The following FRAS1 variants were observed in gnomAD, a reference collection of about 807,000 sequenced individuals.
FRAS1 encodes extracellular matrix organizing protein FRAS1.
In FRAS1, 290 loss-of-function variants were observed where a neutral mutation model predicts 435.2. The ratio of observed to expected loss-of-function variants is 0.67; its 90% CI spans 0.61 to 0.73. The LOEUF (loss-of-function observed/expected upper bound fraction) is 0.73. Among genes scored for constraint, FRAS1 ranks in the 30% least tolerant of loss-of-function variants. The pLI, the probability that FRAS1 is intolerant of heterozygous loss-of-function variation, is 0.00. For synonymous variants in FRAS1, 1,800 were observed against 1,851.0 expected (o/e 0.97, Z 0.71); for missense variants, 4,860 against 5,001.5 (o/e 0.97, Z 0.85).
At chr4:78,390,676 G>A (rs1732409900) in intron 29 of FRAS1, among the ~76,000 whole-genome samples, 1 of 152,150 alleles carries the variant, frequency 6.6e-6, no homozygotes, top group African/African-American at 2.4e-5. Flanking sequence ...TAATCATTAA[G>A]TCTTCCAGGC....
intron 50 of FRAS1, 29 bp from the exon 51 acceptor site, chr4:78,469,949 T>G: frequency 3.9e-5 from 59 of 1,517,466 alleles, no homozygotes; most frequent in Non-Finnish European, 5.0e-5. Context: ...TTGTGAATGA[T>G]GAGTTTTCTT....
chr4:78,302,960 A>G (rs1052194334), intron 14 of FRAS1, among the ~76,000 whole-genome samples: 1 of 152,096 alleles, frequency 6.6e-6, no homozygotes, highest in Non-Finnish European at 1.5e-5. Context: ...GGTAATGCCT[A>G]GGTTTTCTTC....
intron 13 of FRAS1, 88 bp from the exon 14 acceptor site, chr4:78,286,317 T>C (rs1444605219): frequency 2.7e-6 from 4 of 1,471,084 alleles, no homozygotes; most frequent in Admixed American, 3.3e-5. Context: ...AGCCTCAAGA[T>C]TGGGCTGTGT....
intron 2 of FRAS1, among the ~76,000 whole-genome samples, chr4:78,203,578 T>C (rs1723133586): frequency 6.6e-6 from 1 of 152,154 alleles, no homozygotes; most frequent in Admixed American, 6.5e-5. Context: ...TATTTTATTT[T>C]ATTTTTAGAT....
intron 2 of FRAS1, among the ~76,000 whole-genome samples, chr4:78,072,306 C>T (rs1578105403): frequency 6.6e-6 from 1 of 152,210 alleles, no homozygotes; most frequent in Non-Finnish European, 1.5e-5. Flanking sequence ...AATTGGTGTG[C>T]TATAGTGTTA....
At chr4:78,199,277 G>T (rs1399642675) in intron 2 of FRAS1, among the ~76,000 whole-genome samples, 1 of 152,186 alleles carries the variant, frequency 6.6e-6, no homozygotes, top group Non-Finnish European at 1.5e-5. Flanking sequence ...TTAGTTTGGG[G>T]ATTTAAGTTT....
intron 14 of FRAS1, among the ~76,000 whole-genome samples, chr4:78,301,139 G>C (rs1728372941): frequency 6.6e-6 from 1 of 152,152 alleles, no homozygotes; most frequent in Admixed American, 6.5e-5. Flanking sequence ...CTAAGGTAGG[G>C]TTACCAAGCT....
At chr4:78,362,027 C>T (rs556396729) in intron 20 of FRAS1, among the ~76,000 whole-genome samples, 1 of 152,238 alleles carries the variant, frequency 6.6e-6, no homozygotes, top group African/African-American at 2.4e-5. Flanking sequence ...CAATCAAGTT[C>T]TTTATTAAAG....
At chr4:78,286,004 A>G (rs1727575832) in intron 13 of FRAS1, among the ~76,000 whole-genome samples, 1 of 152,186 alleles carries the variant, frequency 6.6e-6, no homozygotes, top group Non-Finnish European at 1.5e-5. Context: ...TCTTCTTGCT[A>G]AAAGTTTGAG....
At chr4:78,236,335 A>T (rs1452255648) in intron 2 of FRAS1, among the ~76,000 whole-genome samples, 1 of 151,296 alleles carries the variant, frequency 6.6e-6, no homozygotes, top group African/African-American at 2.4e-5. Flanking sequence ...TTTTTTTAAA[A>T]TTTTTTATTT....
chr4:78,195,501 C>T (rs7674747), intron 2 of FRAS1, among the ~76,000 whole-genome samples: 39,630 of 152,200 alleles, frequency 0.26, 5,840 homozygotes, highest in East Asian at 0.37. Flanking sequence ...CTCGCTGCCA[C>T]CTTGCAGTTT....
chr4:78,374,976 C>G (rs1355168934), intron 25 of FRAS1, among the ~76,000 whole-genome samples: 1 of 152,132 alleles, frequency 6.6e-6, no homozygotes, highest in Non-Finnish European at 1.5e-5. Context: ...AAGTGTTAAT[C>G]ACAGCAGCTT....
chr4:78,375,818 C>T lies in FRAS1; in HGVS notation c.3231C>T (p.Gly1077=), dbSNP rs745842123. 2.5e-6 allele frequency: 4 copies of T among 1,613,566 alleles called. No homozygotes were observed. The East Asian group carries it at 8.9e-5, about 36-fold the overall frequency. ...LCDHGFFLKS[G]LCVYNCVPGF... The stretch of plus-strand genomic sequence containing the variant: ...ACCATGGGTTCTTTCTGAAGAGTGG[C>T]CTCTGTGTTTACAACTGTGTTCCTG... The change falls in exon 26 of 74, where the codon GGC becomes GGT. Residue 1077 remains glycine, a synonymous_variant. Coordinates refer to ENST00000512123, the MANE Select transcript of FRAS1 (RefSeq NM_025074.7).
chr4:78,467,170 C>T (rs912142408), intron 50 of FRAS1, among the ~76,000 whole-genome samples: 1 of 152,108 alleles, frequency 6.6e-6, no homozygotes, highest in African/African-American at 2.4e-5. Flanking sequence ...AAAAACTATG[C>T]CTTATTCATT....
chr4:78,114,376 G>T (rs1255459204), intron 2 of FRAS1, among the ~76,000 whole-genome samples: 2 of 152,174 alleles, frequency 1.3e-5, no homozygotes, highest in African/African-American at 2.4e-5. Context: ...GAAAGTCATT[G>T]GTAGGTTGAT....
At chr4:78,390,377 G>A (rs1578293350) in intron 29 of FRAS1, among the ~76,000 whole-genome samples, 2 of 152,240 alleles carry the variant, frequency 1.3e-5, no homozygotes, top group South Asian at 4.1e-4. Context: ...TCCAAAAGAG[G>A]AAACTGAAGC....
Position 78,429,046 on chromosome 4 carries a change from CTG to C in FRAS1, c.4712-33_4712-32del, listed in dbSNP as rs3086823. 2,719 of 1,379,254 alleles carry C rather than the reference CTG, an allele frequency of 2.0e-3. 7 individuals carry two copies. Among genetic ancestry groups the C allele is most frequent in the African/African-American group, 0.015 (1,015 of 69,902 alleles). 85.4% of individuals were successfully genotyped at this position (1,379,254 alleles called of 1,614,324 possible). ...GATTCGTGTGTGTGTGTGCGTGTCTCTGTGTGTGTGTGTGTGTCTCTGTGTGT... is the reference window on the plus strand; with the variant it reads ...GATTCGTGTGTGTGTGTGCGTGTCTCTGTGTGTGTGTGTGTCTCTGTGTGT... On this transcript the variant is annotated intron_variant, in intron 35 of 73. Coordinates refer to ENST00000512123, the MANE Select transcript of FRAS1 (RefSeq NM_025074.7).
chr4:78,217,435 A>T (rs1383921745), intron 2 of FRAS1, among the ~76,000 whole-genome samples: 2 of 152,120 alleles, frequency 1.3e-5, no homozygotes, highest in African/African-American at 4.8e-5. Flanking sequence ...TGTCTGGAAG[A>T]GGACTGTTCT....
chr4:78,372,746 T>C lies in FRAS1; in HGVS notation c.2898T>C (p.Ser966=). 5 of 1,612,866 alleles carry C rather than the reference T, an allele frequency of 3.1e-6. No individual in the cohort carries two copies. The highest frequency in any genetic ancestry group is 4.2e-6 in the Non-Finnish European group (5 of 1,179,748). ...GTGATTGGAGCTGCAGTGCATGCAG[T>C]GGGCCCCTGAAAACAGACTGCCTGC... ...KECDWSCSAC[S]GPLKTDCLQC... Residue 966 remains serine (S), a synonymous_variant, in exon 24 of 74, where the codon AGT becomes AGC. Transcript: ENST00000512123.
Sources: gnomAD v4.1 joint callset for allele counts (sites outside exome capture counted in the v4.1 genomes callset) on GRCh38, gnomAD v4.1.1 for gene constraint, MANE v1.5 for transcripts, NCBI Gene and HGNC (gene_info 2026-07-23, HGNC 2026-07-21) for gene names.